Variants in JAK2 observed in about 807,000 individuals in gnomAD.
JAK2 encodes the protein tyrosine-protein kinase JAK2.
Under a neutral mutation model 139.3 loss-of-function variants are expected in JAK2, and 86 were observed. The ratio of observed to expected loss-of-function variants is 0.62; its 90% confidence interval spans 0.52 to 0.74. The LOEUF is 0.74. Among genes scored for constraint, JAK2 ranks in the 30% least tolerant of loss-of-function variants. The pLI is 0.00. For synonymous variants in JAK2, 490 were observed against 437.7 expected, an observed-to-expected ratio of 1.12 and a Z score of -1.49; for missense variants, 1,421 against 1,360.3, an observed-to-expected ratio of 1.04 and a Z score of -0.70.
chr9:5,028,500 A>G (rs1822926325), intron 3 of JAK2, among the ~76,000 whole-genome samples: 1 of 152,228 alleles, frequency 6.6e-6, no homozygotes. Context: ...TTGTTGCATT[A>G]GCTCCTCAGA....
intron 5 of JAK2, among the ~76,000 whole-genome samples, chr9:5,045,586 A>G (rs575725376): frequency 2.0e-5 from 3 of 152,112 alleles, no homozygotes; most frequent in African/African-American, 7.2e-5. Flanking sequence ...CCCACTCCCA[A>G]TGGCCTTTTG....
Position 5,127,146 on chromosome 9 carries a change from G to A in JAK2, c.*355G>A, listed in dbSNP as rs1824051052. ...AATTTTGCAATGTTAAAGATGCACA[G>A]AATATGTATGTATAGTTTTTACCAC... On this transcript the variant is annotated 3_prime_UTR_variant, in exon 25 of 25. Coordinates refer to ENST00000381652, the MANE Select transcript of JAK2 (RefSeq NM_004972.4). 3.9e-6 allele frequency: 1 copy of A among 259,498 alleles called. No individual in the cohort carries two copies. The highest frequency in any genetic ancestry group is 7.4e-6 in the Non-Finnish European group (1 of 134,708). The allele number at this position is 259,498 out of a possible 1,614,324, so 16.1% of individuals were successfully genotyped here. A position where few individuals can be genotyped will look rare whatever the true frequency, so the allele number is the denominator to read the frequency against.
intron 22 of JAK2, chr9:5,109,679 C>G (rs1044760694): frequency 6.6e-6 from 1 of 152,160 alleles, no homozygotes; most frequent in African/African-American, 2.4e-5. Flanking sequence ...TTATCTCAAA[C>G]TGACATTGAA....
At chr9:5,099,506 A>C (rs1276374273) in intron 22 of JAK2, 3 of 152,208 alleles carry the variant, frequency 2.0e-5, no homozygotes, top group Non-Finnish European at 4.4e-5. Context: ...CATTTATATT[A>C]TCCCTACACC....
At chr9:4,991,561 T>A (rs1820249029) in intron 2 of JAK2, among the ~76,000 whole-genome samples, 1 of 152,210 alleles carries the variant, frequency 6.6e-6, no homozygotes, top group African/African-American at 2.4e-5. Flanking sequence ...TCTTGTCTAT[T>A]GAGGGAATGG....
chr9:5,064,278 C>T (rs981288281), intron 8 of JAK2, among the ~76,000 whole-genome samples: 1 of 152,026 alleles, frequency 6.6e-6, no homozygotes, highest in South Asian at 2.1e-4. Flanking sequence ...GCCTGTAACC[C>T]CAACACTTTG....
Position 5,069,204 on chromosome 9 carries a change from A to G in JAK2, c.1509A>G (p.Pro503=), listed in dbSNP as rs775104392. Residue 503 remains proline, a synonymous_variant, in exon 11 of 25, where the codon CCA becomes CCG. Coordinates refer to ENST00000381652, the MANE Select transcript of JAK2 (RefSeq NM_004972.4). ...TTACTAAATGCTGTCCCCCAAAGCC[A>G]AAAGGTAAGATAATTTTCTAGTTAT... ...FQFTKCCPPK[P]KDKSNLLVFR... is the part of the protein sequence containing the mutation. 1.9e-6 allele frequency: 3 copies of G among 1,596,028 alleles called. No homozygotes were observed. The highest frequency in any genetic ancestry group is 2.2e-5 in the East Asian group (1 of 44,638).
chr9:5,070,777 A>T, intron 12 of JAK2, among the ~76,000 whole-genome samples: 1 of 152,196 alleles, frequency 6.6e-6, no homozygotes, highest in Middle Eastern at 3.4e-3. Context: ...TCAAGGGTCA[A>T]CTGTAGTACA....
At chr9:5,067,298 C>T (rs7861599) in intron 10 of JAK2, among the ~76,000 whole-genome samples, 93,772 of 151,828 alleles carry the variant, frequency 0.62, 30,896 homozygotes, top group African/African-American at 0.86. Flanking sequence ...ATGCATGTTT[C>T]AACGGTAAAA....
chr9:5,089,396 G>A (rs1466709008), intron 19 of JAK2, among the ~76,000 whole-genome samples: 1 of 151,996 alleles, frequency 6.6e-6, no homozygotes, highest in African/African-American at 2.4e-5. Flanking sequence ...AAATTAGCTG[G>A]GCGTATTGGC....
At chr9:5,108,033 C>T (rs529331444) in intron 22 of JAK2, 1 of 152,234 alleles carries the variant, frequency 6.6e-6, no homozygotes, top group Non-Finnish European at 1.5e-5. Flanking sequence ...TCAGCCTCAT[C>T]ACCCTATTGT....
chr9:5,031,111 G>C (rs970058565), intron 4 of JAK2, among the ~76,000 whole-genome samples: 4 of 152,086 alleles, frequency 2.6e-5, no homozygotes, highest in Admixed American at 1.3e-4. Context: ...CATTGGAATG[G>C]GGAGATGGAA....
chr9:5,069,066 T>G lies in JAK2; in HGVS notation c.1371T>G (p.Asn457Lys). ...IEYKHCLITKNENEEYNLSGT... is the reference protein window; with the variant it reads ...IEYKHCLITKKENEEYNLSGT... ...ATAAACACTGTTTGATTACAAAAAATGAGAATGAAGAGTACAACCTCAGTG... is the reference window on the plus strand; with the variant it reads ...ATAAACACTGTTTGATTACAAAAAAGGAGAATGAAGAGTACAACCTCAGTG... Residue 457 changes from asparagine (N) to lysine (K), a missense_variant, in exon 11 of 25, where the codon AAT becomes AAG. Coordinates refer to ENST00000381652, the MANE Select transcript of JAK2 (RefSeq NM_004972.4). The G allele has an allele frequency of 6.2e-7, 1 of 1,603,206 alleles. No homozygotes were observed. The highest frequency in any genetic ancestry group is 8.5e-7 in the Non-Finnish European group (1 of 1,175,422).
intron 5 of JAK2, among the ~76,000 whole-genome samples, chr9:5,050,301 A>G (rs1467717255): frequency 6.6e-6 from 1 of 152,188 alleles, no homozygotes; most frequent in Non-Finnish European, 1.5e-5. Context: ...TTATTTATTT[A>G]TTAATCATTT....
intron 23 of JAK2, among the ~76,000 whole-genome samples, chr9:5,125,192 G>A (rs544861538): frequency 6.6e-6 from 1 of 150,922 alleles, no homozygotes; most frequent in African/African-American, 2.4e-5. Flanking sequence ...GCTTCATTTT[G>A]TGTATAAAAG....
intron 22 of JAK2, among the ~76,000 whole-genome samples, chr9:5,107,731 C>T (rs1488943261): frequency 6.6e-6 from 1 of 152,030 alleles, no homozygotes; most frequent in Non-Finnish European, 1.5e-5. Context: ...TCCCTATGTG[C>T]CTAGAAGGCA....
intron 4 of JAK2, among the ~76,000 whole-genome samples, chr9:5,039,284 T>C (rs927013384): frequency 6.6e-6 from 1 of 152,108 alleles, no homozygotes; most frequent in African/African-American, 2.4e-5. Context: ...TGAAAATACT[T>C]GGAAAAAAAG....
chr9:5,101,267 C>CCCTGCT (rs1345244274), intron 22 of JAK2, among the ~76,000 whole-genome samples: 2 of 152,254 alleles, frequency 1.3e-5, no homozygotes, highest in African/African-American at 4.8e-5. Context: ...ACCCACGGAG[C>CCCTGCT]CCTGCTCACT....
At chr9:5,112,162 C>G (rs143673636) in intron 22 of JAK2, 1 of 282,772 alleles carries the variant, frequency 3.5e-6, no homozygotes, top group Non-Finnish European at 7.1e-6. Flanking sequence ...GCACACGCTG[C>G]TACCCGGCCA....
Sources: allele counts gnomAD v4.1 joint callset (sites outside exome capture counted in the v4.1 genomes callset), GRCh38; gene constraint gnomAD v4.1.1; transcripts MANE v1.5; gene names NCBI Gene and HGNC (gene_info 2026-07-23, HGNC 2026-07-21).